The following PLOD2 variants were observed in gnomAD, a reference collection of about 807,000 sequenced individuals.
PLOD2 encodes lysine hydroxylase 2.
In PLOD2, 65 loss-of-function variants were observed where a neutral mutation model predicts 101.0. The observed-to-expected ratio is 0.64, with a 90% CI of 0.53 to 0.79. The LOEUF (loss-of-function observed/expected upper bound fraction) is 0.79, where lower values mean the gene tolerates loss of function less well. Among genes scored for constraint, PLOD2 ranks in the 30% least tolerant of loss-of-function variants. PLOD2 has a pLI of 0.00. For missense variants in PLOD2, 909 were observed against 914.6 expected, an observed-to-expected ratio of 0.99 and a Z score of 0.08; for synonymous variants, 314 against 302.9, an observed-to-expected ratio of 1.04 and a Z score of -0.38.
chr3:146,117,861 G>A (rs1421413939), intron 3 of PLOD2, among the ~76,000 whole-genome samples: 2 of 151,820 alleles, frequency 1.3e-5, no homozygotes, highest in Non-Finnish European at 2.9e-5. Flanking sequence ...GTATATCACA[G>A]TGTCCTTCTT....
intron 3 of PLOD2, among the ~76,000 whole-genome samples, chr3:146,114,585 A>C (rs993129763): frequency 2.6e-5 from 4 of 152,218 alleles, no homozygotes; most frequent in Non-Finnish European, 2.9e-5. Context: ...GCATAATCAT[A>C]AGCATTGATC....
intron 7 of PLOD2, among the ~76,000 whole-genome samples, chr3:146,093,725 C>A (rs1472992777): frequency 6.6e-6 from 1 of 152,012 alleles, no homozygotes; most frequent in African/African-American, 2.4e-5. Flanking sequence ...GTATTTCCAC[C>A]ATCTCAGAAA....
intron 4 of PLOD2, among the ~76,000 whole-genome samples, chr3:146,108,553 T>G (rs1214047964): frequency 1.3e-5 from 2 of 152,208 alleles, no homozygotes; most frequent in African/African-American, 4.8e-5. Flanking sequence ...TGTAAATATG[T>G]GATCTATGAA....
chr3:146,071,534 G>T, intron 17 of PLOD2, 111 bp from the exon 18 acceptor site: 2 of 1,031,540 alleles, frequency 1.9e-6, no homozygotes, highest in Non-Finnish European at 3.0e-6. Flanking sequence ...AATAACAGTT[G>T]TTCCAATGTG....
chr3:146,145,099 C>T (rs996567747), intron 1 of PLOD2, among the ~76,000 whole-genome samples: 1 of 152,118 alleles, frequency 6.6e-6, no homozygotes, highest in African/African-American at 2.4e-5. Context: ...CTTACTAGAG[C>T]TTTCAGAATA....
At chr3:146,107,622 ATTTTTTTTTTTTTTT>A (rs71158215) in intron 4 of PLOD2, among the ~76,000 whole-genome samples, 21 of 68,922 alleles carry the variant, frequency 3.0e-4, no homozygotes, top group African/African-American at 9.3e-4. Context: ...TGCCATATAA[ATTTTTTTTTTTTTTT>A]TTTTTTTTTT....
rs182298452 is a variant in PLOD2 at position 146,108,311 on chromosome 3, G to A, written c.503-1667C>T. 3.5e-4 allele frequency among the ~76,000 whole-genome samples: 53 copies of A among 152,076 alleles called. No individual in the cohort carries two copies. The East Asian group carries it at 0.01, about 29-fold the overall frequency. ...TCTCCTCACCTCAGTCTCCAAAGTA[G>A]CTAGGACCACAGCCATGTGCCACCA... On this transcript the variant is annotated intron_variant, in intron 4 of 19. Coordinates refer to ENST00000282903, the MANE Select transcript of PLOD2 (RefSeq NM_182943.3).
At chr3:146,098,119 G>C (rs954874155) in intron 7 of PLOD2, among the ~76,000 whole-genome samples, 1 of 152,142 alleles carries the variant, frequency 6.6e-6, no homozygotes, top group African/African-American at 2.4e-5. Context: ...TAAAAACCTA[G>C]ATGACGGATT....
rs35274473 is a variant in PLOD2 at position 146,076,989 on chromosome 3, CTTTA to C, written c.1564-98_1564-95del. ...ATATATAGAAGATATTAATTTCTAT[CTTTA>C]TATTTCATTTATGAACATGCATTTT... On this transcript the variant is annotated intron_variant, in intron 14 of 19. Transcript: ENST00000282903. 616,962 of 1,266,894 alleles carry C rather than the reference CTTTA, an allele frequency of 0.49. 150,633 individuals are homozygous for C. The highest frequency in any genetic ancestry group is 0.55 in the African/African-American group (35,929 of 65,050). The allele number at this position is 1,266,894 out of a possible 1,614,324, so 78.5% of individuals were successfully genotyped here. A position where few individuals can be genotyped will look rare whatever the true frequency, so the allele number is the denominator to read the frequency against.
chr3:146,085,303 A>G lies in PLOD2; in HGVS notation c.1128-30T>C, dbSNP rs371647314. The G allele has an allele frequency of 2.7e-5, 29 of 1,056,808 alleles. No homozygotes were observed. The African/African-American group carries it at 4.1e-4, about 15-fold the overall frequency. 65.5% of individuals were successfully genotyped at this position (1,056,808 alleles called of 1,614,324 possible). Reference sequence around the variant, plus strand: ...CAGTGAAAAAGAAAATGAAATGGGCATGACATAAAATAAATATCTGCTGAC... The same window carrying G: ...CAGTGAAAAAGAAAATGAAATGGGCGTGACATAAAATAAATATCTGCTGAC... On this transcript the variant is annotated intron_variant, in intron 10 of 19. Coordinates refer to ENST00000282903, the MANE Select transcript of PLOD2 (RefSeq NM_182943.3).
At chr3:146,102,150 A>G (rs931508566) in intron 7 of PLOD2, among the ~76,000 whole-genome samples, 5 of 152,184 alleles carry the variant, frequency 3.3e-5, no homozygotes, top group African/African-American at 9.7e-5. Flanking sequence ...CAGTATTACT[A>G]TATTTTTTCA....
At chr3:146,083,592 T>C (rs1381994701) in intron 11 of PLOD2, among the ~76,000 whole-genome samples, 1 of 148,296 alleles carries the variant, frequency 6.7e-6, no homozygotes, top group Non-Finnish European at 1.5e-5. Context: ...TTTTTTTTTT[T>C]TTTTTTTGAG....
At chr3:146,093,923 A>G (rs146196410) in intron 7 of PLOD2, among the ~76,000 whole-genome samples, 58 of 152,288 alleles carry the variant, frequency 3.8e-4, no homozygotes, top group African/African-American at 1.4e-3. Context: ...CTAGATAACT[A>G]AGATATTTTA....
chr3:146,096,894 C>T (rs1340011454), intron 7 of PLOD2, among the ~76,000 whole-genome samples: 1 of 101,726 alleles, frequency 9.8e-6, no homozygotes, highest in Non-Finnish European at 2.0e-5. Flanking sequence ...GGGGGGGAGT[C>T]GGCCAGCCGC....
At chr3:146,123,307 G>C in intron 2 of PLOD2, 1 of 1,166,690 alleles carries the variant, frequency 8.6e-7, no homozygotes, top group Non-Finnish European at 1.1e-6. Flanking sequence ...GAAAAGACTT[G>C]GCTGACAGAT....
chr3:146,106,784 GA>G (rs1408839617), intron 4 of PLOD2, 140 bp from the exon 5 acceptor site: 3 of 685,920 alleles, frequency 4.4e-6, no homozygotes, highest in Non-Finnish European at 8.0e-6. Context: ...AGCTCACCAT[GA>G]AAGAAATATG....
At position 146,079,271 on chromosome 3, in the gene PLOD2, G is replaced by A. The variant is rs754104486; in HGVS notation, c.1359-14C>T. 5.6e-5 allele frequency: 89 copies of A among 1,593,304 alleles called. No homozygotes were observed. The highest frequency in any genetic ancestry group is 7.3e-5 in the Non-Finnish European group (85 of 1,162,356). ...TTCCATACTCCTCTGAAAGTAAAGA[G>A]AAGACATTCTTATATACCACAAATA... On this transcript the variant is annotated splice_polypyrimidine_tract_variant and intron_variant, in intron 12 of 19. Transcript: ENST00000282903.
intron 1 of PLOD2, among the ~76,000 whole-genome samples, chr3:146,129,173 A>G (rs752891761): frequency 2.0e-5 from 3 of 152,102 alleles, no homozygotes; most frequent in Non-Finnish European, 1.5e-5. Context: ...ACTTTCTACT[A>G]AAGAAAAATG....
intron 9 of PLOD2, 110 bp downstream of exon 9, chr3:146,088,476 A>T: frequency 1.3e-6 from 1 of 762,876 alleles, no homozygotes; most frequent in South Asian, 1.7e-5. Flanking sequence ...TACTCCAAAA[A>T]TCCTCCACTG....
Sources: gnomAD v4.1 joint callset for allele counts (sites outside exome capture counted in the v4.1 genomes callset) on GRCh38, gnomAD v4.1.1 for gene constraint, MANE v1.5 for transcripts, NCBI Gene and HGNC (gene_info 2026-07-23, HGNC 2026-07-21) for gene names.